The following NBEAL1 variants were observed in gnomAD, a reference collection of about 807,000 sequenced individuals.
NBEAL1 encodes neurobeachin like 1.
In NBEAL1, 273 loss-of-function variants were observed where a neutral mutation model predicts 351.3. That is an observed-to-expected ratio of 0.78 (90% confidence interval 0.70 to 0.86). The LOEUF (loss-of-function observed/expected upper bound fraction) is 0.86. Ranked by LOEUF, NBEAL1 falls within the 40% of genes least tolerant of loss-of-function variation. The pLI is 0.00. For missense variants in NBEAL1, 2,961 were observed against 3,201.3 expected (o/e 0.92, Z 1.81); for synonymous variants, 1,050 against 1,086.4 (o/e 0.97, Z 0.66).
chr2:203,200,705 A>G (rs2065374473), intron 49 of NBEAL1, among the ~76,000 whole-genome samples: 1 of 152,112 alleles, frequency 6.6e-6, no homozygotes, highest in South Asian at 2.1e-4. Flanking sequence ...AAAAAACTAA[A>G]ATTAAAATAA....
intron 39 of NBEAL1, among the ~76,000 whole-genome samples, chr2:203,171,184 G>A (rs1235421866): frequency 6.6e-6 from 1 of 152,104 alleles, no homozygotes; most frequent in Non-Finnish European, 1.5e-5. Flanking sequence ...CTTGAACCCT[G>A]GAGACAGAGG....
In NBEAL1 at chr2:203,218,044, G is replaced by A. The variant is rs2065916357; in HGVS notation, c.*690G>A. 1 of 672,516 alleles carries A rather than the reference G, an allele frequency of 1.5e-6. No individual in the cohort carries two copies. The highest frequency in any genetic ancestry group is 1.8e-6 in the Non-Finnish European group (1 of 544,662). 41.7% of individuals were successfully genotyped at this position (672,516 alleles called of 1,614,324 possible). A position where few individuals can be genotyped will look rare whatever the true frequency, so the allele number is the denominator to read the frequency against. ...CTTAATAATATAATTAAGCAAAAGT[G>A]CTAATTGTGATTTTGACAGTTGGGC... On this transcript the variant is annotated 3_prime_UTR_variant, in exon 56 of 56. Coordinates refer to ENST00000683969, the MANE Select transcript of NBEAL1 (RefSeq NM_001378026.1).
intron 36 of NBEAL1, among the ~76,000 whole-genome samples, chr2:203,160,900 C>A (rs72934599): frequency 1.9e-4 from 29 of 152,126 alleles, no homozygotes; most frequent in South Asian, 6.2e-4. Context: ...TGTGTTTAAC[C>A]CCCCCGATCC....
intron 49 of NBEAL1, 32 bp from the exon 50 acceptor site, chr2:203,201,511 A>G (rs919971475): frequency 2.0e-6 from 3 of 1,471,156 alleles, no homozygotes; most frequent in Non-Finnish European, 2.7e-6. Context: ...TGATCTTGTA[A>G]GGAAAAGTCT....
chr2:203,188,627 A>G, intron 45 of NBEAL1, 38 bp downstream of exon 45: 1 of 1,177,792 alleles, frequency 8.5e-7, no homozygotes, highest in Non-Finnish European at 1.2e-6. Context: ...CTTTACCTTG[A>G]TAGAAACTGT....
chr2:203,209,257 T>C lies in NBEAL1; in HGVS notation c.7720T>C (p.Leu2574=). The change falls in exon 53 of 56, where the codon TTG becomes CTG. Residue 2574 remains leucine (L), a synonymous_variant. Coordinates refer to ENST00000683969, the MANE Select transcript of NBEAL1 (RefSeq NM_001378026.1). ...TTCTCTGTTCCTGACCATTCCTAAT[T>C]TGGCTATATCTTGGGAAGGACATAT... The part of the protein sequence containing the change: ...ESSLFLTIPN[L]AISWEGHIVV... The C allele has an allele frequency of 6.2e-7, 1 of 1,613,962 alleles. No individual in the cohort carries two copies.
chr2:203,094,859 C>T (rs1482201340), intron 10 of NBEAL1, among the ~76,000 whole-genome samples: 8 of 152,142 alleles, frequency 5.3e-5, no homozygotes, highest in African/African-American at 1.4e-4. Context: ...CAGTGGCTCA[C>T]GCCTGTAATC....
chr2:203,017,094 C>T (rs1036479976), intron 2 of NBEAL1, among the ~76,000 whole-genome samples: 1 of 152,162 alleles, frequency 6.6e-6, no homozygotes, highest in Non-Finnish European at 1.5e-5. Flanking sequence ...AATGTTCTTT[C>T]CCCTCCTTGT....
chr2:203,018,707 C>T (rs2060720123), intron 2 of NBEAL1, among the ~76,000 whole-genome samples: 2 of 152,072 alleles, frequency 1.3e-5, no homozygotes, highest in Non-Finnish European at 2.9e-5. Flanking sequence ...TCTTTTGTGT[C>T]TGTCACCCAA....
intron 30 of NBEAL1, 75 bp downstream of exon 30, chr2:203,138,390 C>A: frequency 7.4e-7 from 1 of 1,344,686 alleles, no homozygotes; most frequent in Non-Finnish European, 1.0e-6. Flanking sequence ...TGCACCCCCT[C>A]TTTTTAGAGC....
intron 17 of NBEAL1, among the ~76,000 whole-genome samples, chr2:203,114,751 T>TTTTG (rs1052295162): frequency 6.6e-6 from 1 of 152,092 alleles, no homozygotes; most frequent in African/African-American, 2.4e-5. Context: ...CTTTGTTTTT[T>TTTTG]TTTGTTTGTT....
At chr2:203,053,177 A>G (rs763778383) in intron 4 of NBEAL1, among the ~76,000 whole-genome samples, 1 of 152,078 alleles carries the variant, frequency 6.6e-6, no homozygotes, top group Non-Finnish European at 1.5e-5. Flanking sequence ...TGGCTATACC[A>G]TTTTGCATTC....
Position 203,166,162 on chromosome 2 carries a change from G to A in NBEAL1, c.5728G>A (p.Glu1910Lys). ...TARVNVDEKEEQDQKEKLVLM... is the reference protein window; with the variant it reads ...TARVNVDEKEKQDQKEKLVLM... ...TTGTTTTTACAGTGATGAGAAAGAA[G>A]AACAGGATCAAAAAGAAAAATTGGT... Residue 1910 changes from glutamate to lysine, a missense_variant, in exon 37 of 56, where the codon GAA (glutamate) becomes AAA (lysine). Glu to Lys is a moderately conservative substitution (Grantham distance 56). Transcript: ENST00000683969. 6.3e-7 allele frequency: 1 copy of A among 1,578,218 alleles called. No homozygotes were observed. Among genetic ancestry groups the A allele is most frequent in the Non-Finnish European group, 8.6e-7 (1 of 1,168,018 alleles).
In NBEAL1 at chr2:203,037,598, G is replaced by T. The variant is rs1019474499; in HGVS notation, c.52-4167G>T. Among the ~76,000 whole-genome samples the T allele has an allele frequency of 1.0e-4, 15 of 148,846 alleles. 1 individual carries two copies. The highest frequency in any genetic ancestry group is 6.8e-4 in the Admixed American group (10 of 14,758). ...CATCACCTGGGAAAGTTCCCTCTGT[G>T]CCCCTTTGCAGTCGGTCCTCCCAGA... On this transcript the variant is annotated intron_variant, in intron 2 of 55. Coordinates refer to ENST00000683969, the MANE Select transcript of NBEAL1 (RefSeq NM_001378026.1).
intron 6 of NBEAL1, among the ~76,000 whole-genome samples, chr2:203,058,453 G>A (rs934422681): frequency 6.6e-6 from 1 of 152,300 alleles, no homozygotes; most frequent in African/African-American, 2.4e-5. Context: ...TGGGGTTATG[G>A]GAACAAAGGG....
Position 203,135,917 on chromosome 2 carries a change from A to G in NBEAL1, c.4054A>G (p.Asn1352Asp), listed in dbSNP as rs752477444. 1.9e-6 allele frequency: 3 copies of G among 1,614,222 alleles called. No homozygotes were observed. Among genetic ancestry groups the G allele is most frequent in the South Asian group, 2.2e-5 (2 of 91,090 alleles). ...EEKITSFASA[N>D]VSSDQWSLED... ...AAAAATCACCTCTTTTGCCTCAGCT[A>G]ATGTGTCTTCGGATCAGTGGAGTTT... Residue 1352 changes from asparagine to aspartate, a missense_variant, in exon 28 of 56, where the codon AAT becomes GAT. Transcript: ENST00000683969.
intron 4 of NBEAL1, among the ~76,000 whole-genome samples, chr2:203,053,176 C>T (rs907602259): frequency 1.3e-5 from 2 of 152,162 alleles, no homozygotes; most frequent in African/African-American, 2.4e-5. Flanking sequence ...ATGGCTATAC[C>T]ATTTTGCATT....
At position 203,105,334 on chromosome 2, in the gene NBEAL1, C is replaced by T. The variant is rs374621294; in HGVS notation, c.1270-2086C>T. ...TACAAAAATTAGCCAGGCATGGTGG[C>T]GGGCGCCTGTAGTCCCAGCTACTCG... is the stretch of plus-strand genomic sequence containing the variant. On this transcript the variant is annotated intron_variant, in intron 12 of 55. Coordinates refer to ENST00000683969, the MANE Select transcript of NBEAL1 (RefSeq NM_001378026.1). 2.6e-4 allele frequency among the ~76,000 whole-genome samples: 40 copies of T among 151,824 alleles called. No homozygotes were observed. In the East Asian group the frequency reaches 6.1e-3, roughly 23 times the overall value.
At chr2:203,185,161 G>A (rs2064858524) in intron 44 of NBEAL1, among the ~76,000 whole-genome samples, 1 of 152,144 alleles carries the variant, frequency 6.6e-6, no homozygotes, top group African/African-American at 2.4e-5. Flanking sequence ...TATGGTTGTG[G>A]TTTTCAGAGT....
Sources: gnomAD v4.1 joint callset for allele counts (sites outside exome capture counted in the v4.1 genomes callset) on GRCh38, gnomAD v4.1.1 for gene constraint, MANE v1.5 for transcripts, NCBI Gene and HGNC (gene_info 2026-07-23, HGNC 2026-07-21) for gene names.